CDH7: variants seen among roughly 807,000 people sequenced by gnomAD.
CDH7 encodes the protein cadherin-7.
In CDH7, 25 loss-of-function variants were observed where a neutral mutation model predicts 71.8. That is an observed-to-expected ratio of 0.35 (90% confidence interval 0.25 to 0.49). The LOEUF (loss-of-function observed/expected upper bound fraction) is 0.49, where lower values mean the gene tolerates loss of function less well. Ranked by LOEUF, CDH7 falls within the 20% of genes least tolerant of loss-of-function variation. CDH7 has a pLI of 0.99. For missense variants in CDH7, 862 were observed against 974.6 expected (o/e 0.88, Z 1.54); for synonymous variants, 381 against 363.8 (o/e 1.05, Z -0.54).
At chr18:65,844,350 A>C (rs930870929) in intron 7 of CDH7, among the ~76,000 whole-genome samples, 1 of 151,646 alleles carries the variant, frequency 6.6e-6, no homozygotes, top group Non-Finnish European at 1.5e-5. Context: ...ATTATCCTGA[A>C]TCTCTTTTAA....
At chr18:65,804,918 T>C (rs150638093) in intron 2 of CDH7, among the ~76,000 whole-genome samples, 1 of 152,268 alleles carries the variant, frequency 6.6e-6, no homozygotes, top group Non-Finnish European at 1.5e-5. Context: ...ATCTAAGTGG[T>C]TCAGAGGATT....
chr18:65,800,553 A>G (rs752252098), intron 2 of CDH7, among the ~76,000 whole-genome samples: 4 of 152,184 alleles, frequency 2.6e-5, no homozygotes, highest in Non-Finnish European at 5.9e-5. Flanking sequence ...CCTCAGGCAG[A>G]GCTCAAAAAT....
chr18:65,803,995 CT>C (rs1268791518), intron 2 of CDH7, among the ~76,000 whole-genome samples: 1 of 151,746 alleles, frequency 6.6e-6, no homozygotes, highest in Non-Finnish European at 1.5e-5. Flanking sequence ...TTAAGGAAAA[CT>C]TTAATACAAA....
At chr18:65,763,828 T>C (rs1916275881) in intron 2 of CDH7, among the ~76,000 whole-genome samples, 2 of 152,094 alleles carry the variant, frequency 1.3e-5, no homozygotes, top group African/African-American at 4.8e-5. Context: ...GAGAGCTTCC[T>C]GAACCAAAAG....
chr18:65,834,265 T>G (rs190733772), intron 6 of CDH7, among the ~76,000 whole-genome samples: 2 of 152,266 alleles, frequency 1.3e-5, no homozygotes, highest in East Asian at 3.9e-4. Context: ...TTGGAACAAG[T>G]GATGTTTGGT....
At chr18:65,850,030 G>T (rs932263758) in intron 7 of CDH7, among the ~76,000 whole-genome samples, 1 of 151,368 alleles carries the variant, frequency 6.6e-6, no homozygotes, top group Non-Finnish European at 1.5e-5. Context: ...CAGGTGTGGT[G>T]GTGCATGCCT....
chr18:65,858,932 A>C lies in CDH7; in HGVS notation c.1380A>C (p.Pro460=). The change falls in exon 9 of 12, where the codon CCA becomes CCC. Residue 460 remains proline, a synonymous_variant. Transcript: ENST00000397968. ...ITVLAMESQN[P]SQVGRGYVAI... is the part of the protein sequence containing the mutation. ...CACTGTCTTATTTATTAGAGAATCC[A>C]TCTCAAGTAGGAAGAGGCTATGTGG... 1 of 1,612,088 alleles carries C rather than the reference A, an allele frequency of 6.2e-7. No homozygotes were observed. Among genetic ancestry groups the C allele is most frequent in the Non-Finnish European group, 8.5e-7 (1 of 1,178,316 alleles).
At position 65,777,370 on chromosome 18, in the gene CDH7, A is replaced by G. The variant is rs373553553; in HGVS notation, c.210+14318A>G. ...ATGCAAATACTCAAAGTTTCTTGAT[A>G]AAATGCATGTTAAACGTACCAAAAG... is the stretch of plus-strand genomic sequence containing the variant. On this transcript the variant is annotated intron_variant, in intron 2 of 11. Coordinates refer to ENST00000397968, the MANE Select transcript of CDH7 (RefSeq NM_004361.5). 4.2e-4 allele frequency among the ~76,000 whole-genome samples: 64 copies of G among 152,218 alleles called. 2 individuals carry two copies. The South Asian group carries it at 0.013, about 32-fold the overall frequency.
At chr18:65,839,101 A>G (rs1365403514) in intron 6 of CDH7, among the ~76,000 whole-genome samples, 4 of 152,218 alleles carry the variant, frequency 2.6e-5, no homozygotes, top group Admixed American at 2.6e-4. Flanking sequence ...ATGGATATAT[A>G]TGACCATGAG....
At chr18:65,854,952 C>T (rs1599053780) in intron 7 of CDH7, among the ~76,000 whole-genome samples, 1 of 151,300 alleles carries the variant, frequency 6.6e-6, no homozygotes, top group Non-Finnish European at 1.5e-5. Context: ...TATATATACA[C>T]ACACACACAC....
intron 6 of CDH7, among the ~76,000 whole-genome samples, chr18:65,831,377 G>T (rs993477209): frequency 1.3e-5 from 2 of 152,068 alleles, no homozygotes; most frequent in African/African-American, 4.8e-5. Flanking sequence ...CCCAACAAAG[G>T]CAGGCTTTAC....
intron 2 of CDH7, among the ~76,000 whole-genome samples, chr18:65,807,517 G>T (rs1911367706): frequency 1.3e-5 from 2 of 152,148 alleles, no homozygotes; most frequent in Admixed American, 1.3e-4. Context: ...GATATTTCTT[G>T]TGGTCTTCTG....
chr18:65,754,671 T>G (rs1191606205), intron 1 of CDH7, among the ~76,000 whole-genome samples: 1 of 152,154 alleles, frequency 6.6e-6, no homozygotes, highest in African/African-American at 2.4e-5. Flanking sequence ...CATCTCAAAA[T>G]ATAGGACTTA....
chr18:65,869,956 G>A (rs1457080981), intron 11 of CDH7, among the ~76,000 whole-genome samples: 1 of 151,946 alleles, frequency 6.6e-6, no homozygotes, highest in African/African-American at 2.4e-5. Context: ...ATATTTTTAG[G>A]ACATTTTTCT....
chr18:65,818,094 T>C (rs1011660959), intron 4 of CDH7, among the ~76,000 whole-genome samples: 2 of 152,206 alleles, frequency 1.3e-5, no homozygotes, highest in Non-Finnish European at 2.9e-5. Context: ...GTGTTACAAA[T>C]TGTACTCATA....
At chr18:65,847,669 A>G (rs1912979594) in intron 7 of CDH7, among the ~76,000 whole-genome samples, 1 of 152,184 alleles carries the variant, frequency 6.6e-6, no homozygotes, top group East Asian at 1.9e-4. Context: ...TGGGGCACCT[A>G]TATGACTATT....
chr18:65,857,404 C>T lies in CDH7; in HGVS notation c.1236-412C>T, dbSNP rs372209895. 7.3e-5 allele frequency among the ~76,000 whole-genome samples: 11 copies of T among 150,814 alleles called. No individual in the cohort carries two copies. The East Asian group carries it at 1.9e-3, about 27-fold the overall frequency. On this transcript the variant is annotated intron_variant, in intron 7 of 11. Coordinates refer to ENST00000397968, the MANE Select transcript of CDH7 (RefSeq NM_004361.5). ...TGGTGCATGCCTCTAGTCCTAGCTA[C>T]TCAGGAGGCTGAGGTGTGAGAATCC...
At chr18:65,866,810 C>A (rs532581707) in intron 11 of CDH7, among the ~76,000 whole-genome samples, 15 of 152,072 alleles carry the variant, frequency 9.9e-5, no homozygotes, top group African/African-American at 3.4e-4. Context: ...TTTCTGATTT[C>A]TCATTCTTGC....
chr18:65,877,555 ATTC>A (rs1914108105), intron 11 of CDH7, among the ~76,000 whole-genome samples: 1 of 152,048 alleles, frequency 6.6e-6, no homozygotes, highest in South Asian at 2.1e-4. Context: ...TCTCATACTC[ATTC>A]ATTTCTTACA....
Sources: gnomAD v4.1 joint callset for allele counts (sites outside exome capture counted in the v4.1 genomes callset) on GRCh38, gnomAD v4.1.1 for gene constraint, MANE v1.5 for transcripts, NCBI Gene and HGNC (gene_info 2026-07-23, HGNC 2026-07-21) for gene names.